The following HERC3 variants were observed in gnomAD, a reference collection of about 807,000 sequenced individuals.
HERC3 encodes probable E3 ubiquitin-protein ligase HERC3.
A neutral mutation model predicts 129.9 loss-of-function variants in HERC3; 58 were observed. That is an observed-to-expected ratio of 0.45 (90% CI 0.36 to 0.56). The LOEUF (loss-of-function observed/expected upper bound fraction) is 0.56. Among genes scored for constraint, HERC3 ranks in the 20% least tolerant of loss-of-function variants. HERC3 has a pLI of 0.00. For missense variants in HERC3, 835 were observed against 1,244.2 expected (o/e 0.67, Z 4.95); for synonymous variants, 430 against 451.0 (o/e 0.95, Z 0.59).
the HERC3 span, among the ~76,000 whole-genome samples, chr4:88,537,273 G>A: frequency 4.7e-3 from 713 of 152,172 alleles, 3 homozygotes; most frequent in African/African-American, 0.016. Context: ...TAGTCATCAC[G>A]TCTCATTCAT....
chr4:88,667,804 G>A lies in HERC3; in HGVS notation c.1444-88G>A. 4 of 954,866 alleles carry A rather than the reference G, an allele frequency of 4.2e-6. No homozygotes were observed. The South Asian group carries it at 6.1e-5, about 15-fold the overall frequency. The allele number at this position is 954,866 out of a possible 1,614,324, so 59.1% of individuals were successfully genotyped here. ...TGCATAGTGAATGAATGAGAGTTGA[G>A]AGTCTATCAAATAGCTTATGAACTT... is the stretch of plus-strand genomic sequence containing the variant. On this transcript the variant is annotated intron_variant, in intron 13 of 25. Transcript: ENST00000402738.
intron 3 of HERC3, among the ~76,000 whole-genome samples, chr4:88,610,107 A>G (rs7689489): frequency 0.43 from 64,852 of 151,900 alleles, 17,349 homozygotes; most frequent in African/African-American, 0.75. Context: ...TTATCAGCAA[A>G]GTCTTTATGA....
intron 13 of HERC3, 56 bp from the exon 14 acceptor site, chr4:88,667,836 A>G: frequency 2.3e-6 from 3 of 1,297,310 alleles, no homozygotes; most frequent in Non-Finnish European, 3.3e-6. Context: ...ACTTAGAGAA[A>G]GTTAACTAGA....
intron 2 of HERC3, among the ~76,000 whole-genome samples, chr4:88,603,663 C>T (rs1171809423): frequency 1.3e-5 from 2 of 152,120 alleles, no homozygotes; most frequent in African/African-American, 2.4e-5. Flanking sequence ...GAAGATCCAC[C>T]CACTTAAGAT....
At chr4:88,654,996 G>T (rs1729728306) in intron 7 of HERC3, among the ~76,000 whole-genome samples, 178 bp from the exon 8 acceptor site, 1 of 152,192 alleles carries the variant, frequency 6.6e-6, no homozygotes, top group African/African-American at 2.4e-5. Context: ...GATGCAGTCT[G>T]AAATTCCCTT....
At chr4:88,538,433 C>T in the HERC3 span, among the ~76,000 whole-genome samples, 806 of 152,190 alleles carry the variant, frequency 5.3e-3, 19 homozygotes, top group Admixed American at 0.044. Context: ...TAGGTATCAA[C>T]GTGTTGGCAG....
At chr4:88,579,035 T>G in the HERC3 span, among the ~76,000 whole-genome samples, 6,468 of 152,092 alleles carry the variant, frequency 0.043, 386 homozygotes, top group East Asian at 0.27. Flanking sequence ...GAAGCGGGTA[T>G]GATCTGAACA....
At chr4:88,585,224 A>G in the HERC3 span, among the ~76,000 whole-genome samples, 1 of 152,228 alleles carries the variant, frequency 6.6e-6, no homozygotes. Context: ...ACACCTCCAA[A>G]TACCATCACC....
chr4:88,684,299 C>T (rs903474407), intron 21 of HERC3, among the ~76,000 whole-genome samples: 2 of 152,124 alleles, frequency 1.3e-5, no homozygotes, highest in Non-Finnish European at 2.9e-5. Flanking sequence ...ACAGAGACCT[C>T]AGAAATAATA....
At chr4:88,692,306 C>T (rs1435545721) in intron 23 of HERC3, among the ~76,000 whole-genome samples, 1 of 151,060 alleles carries the variant, frequency 6.6e-6, no homozygotes, top group Non-Finnish European at 1.5e-5. Flanking sequence ...TGCTGTCTTC[C>T]CATTTTCCCC....
Position 88,707,013 on chromosome 4 carries a change from G to GAA in HERC3, c.*53_*54insAA. ...TTCGTTCCTCAGTGTCCACATTGAG[G>GAA]CCTATACAGAAAATCATGGGGAGTG... On this transcript the variant is annotated 3_prime_UTR_variant, in exon 26 of 26. Coordinates refer to ENST00000402738, the MANE Select transcript of HERC3 (RefSeq NM_014606.3). The GAA allele has an allele frequency of 2.9e-6, 4 of 1,395,910 alleles. No individual in the cohort carries two copies. Among genetic ancestry groups the GAA allele is most frequent in the Non-Finnish European group, 3.0e-6 (3 of 985,540 alleles). The allele number at this position is 1,395,910 out of a possible 1,614,324, so 86.5% of individuals were successfully genotyped here. A position where few individuals can be genotyped will look rare whatever the true frequency, so the allele number is the denominator to read the frequency against.
intron 19 of HERC3, among the ~76,000 whole-genome samples, chr4:88,679,734 T>C (rs1056651547): frequency 6.6e-6 from 1 of 152,134 alleles, no homozygotes; most frequent in African/African-American, 2.4e-5. Context: ...GCCAGGCTGG[T>C]CTCGAACTCC....
chr4:88,707,014 C>A lies in HERC3; in HGVS notation c.*54C>A. ...TCGTTCCTCAGTGTCCACATTGAGG[C>A]CTATACAGAAAATCATGGGGAGTGA... On this transcript the variant is annotated 3_prime_UTR_variant, in exon 26 of 26. Transcript: ENST00000402738. 1 of 1,363,768 alleles carries A rather than the reference C, an allele frequency of 7.3e-7. No individual in the cohort carries two copies. Among genetic ancestry groups the A allele is most frequent in the Non-Finnish European group, 1.0e-6 (1 of 956,490 alleles). The allele number at this position is 1,363,768 out of a possible 1,614,324, so 84.5% of individuals were successfully genotyped here. A position where few individuals can be genotyped will look rare whatever the true frequency, so the allele number is the denominator to read the frequency against.
At chr4:88,627,904 CAAAAAAA>C (rs60358778) in intron 3 of HERC3, among the ~76,000 whole-genome samples, 32 of 80,962 alleles carry the variant, frequency 4.0e-4, no homozygotes, top group Non-Finnish European at 7.5e-4. Context: ...AACTCCGTCT[CAAAAAAA>C]AAAAAAAAAA....
chr4:88,669,797 C>G, intron 14 of HERC3, 63 bp from the exon 15 acceptor site: 1 of 1,383,542 alleles, frequency 7.2e-7, no homozygotes, highest in Non-Finnish European at 1.0e-6. Flanking sequence ...AACTGGCAGG[C>G]AGAAGACATA....
In HERC3 at chr4:88,697,806, C is replaced by T. The variant is rs755293538; in HGVS notation, c.2658-6292C>T. On this transcript the variant is annotated intron_variant, in intron 23 of 25. Transcript: ENST00000402738. Reference sequence around the variant, plus strand: ...GGAGGGCTCCCGCAGAGGCCCTGCACCCGAGCTGGTCCAGAGAGATCTTGC... The same window carrying T: ...GGAGGGCTCCCGCAGAGGCCCTGCATCCGAGCTGGTCCAGAGAGATCTTGC... 2.6e-6 allele frequency: 4 copies of T among 1,531,398 alleles called. No individual in the cohort carries two copies. In the South Asian group the frequency reaches 3.8e-5, roughly 15 times the overall value. 94.9% of individuals were successfully genotyped at this position (1,531,398 alleles called of 1,614,324 possible). A position where few individuals can be genotyped will look rare whatever the true frequency, so the allele number is the denominator to read the frequency against.
At chr4:88,618,423 A>G (rs1725160061) in intron 3 of HERC3, among the ~76,000 whole-genome samples, 1 of 152,354 alleles carries the variant, frequency 6.6e-6, no homozygotes, top group East Asian at 1.9e-4. Context: ...CACAGAGGGT[A>G]TAATTCAGAT....
At chr4:88,633,526 A>G (rs979049372) in intron 3 of HERC3, among the ~76,000 whole-genome samples, 1 of 152,240 alleles carries the variant, frequency 6.6e-6, no homozygotes, top group African/African-American at 2.4e-5. Flanking sequence ...AATCACTTAA[A>G]AAGCTATACC....
intron 3 of HERC3, among the ~76,000 whole-genome samples, chr4:88,621,929 A>G (rs894141783): frequency 1.3e-5 from 2 of 152,222 alleles, no homozygotes; most frequent in African/African-American, 4.8e-5. Flanking sequence ...CAGCCTGTGC[A>G]CTCAAGTTTG....
Sources: gnomAD v4.1 joint callset for allele counts (sites outside exome capture counted in the v4.1 genomes callset) on GRCh38, gnomAD v4.1.1 for gene constraint, MANE v1.5 for transcripts, NCBI Gene and HGNC (gene_info 2026-07-23, HGNC 2026-07-21) for gene names.